RSRC1: variants seen among roughly 807,000 people sequenced by gnomAD.
RSRC1 encodes the protein arginine and serine rich coiled-coil 1, also known as serine/Arginine-related protein 53.
Under a neutral mutation model 49.1 loss-of-function variants are expected in RSRC1, and 39 were observed. That is an observed-to-expected ratio of 0.79 (90% CI 0.61 to 1.04). The LOEUF (loss-of-function observed/expected upper bound fraction) is 1.04. Ranked by LOEUF, RSRC1 falls within the 50% of genes least tolerant of loss-of-function variation. The pLI is 0.00. For missense variants in RSRC1, 388 were observed against 402.4 expected (o/e 0.96, Z 0.31); for synonymous variants, 143 against 130.8 (o/e 1.09, Z -0.63).
chr3:158,433,303 A>G (rs895404721), intron 6 of RSRC1, among the ~76,000 whole-genome samples: 2 of 152,134 alleles, frequency 1.3e-5, no homozygotes, highest in Non-Finnish European at 2.9e-5. Flanking sequence ...AAATTGTGCA[A>G]TTATTGAAAA....
intron 3 of RSRC1, among the ~76,000 whole-genome samples, chr3:158,138,648 T>A (rs1716552488): frequency 6.6e-6 from 1 of 152,254 alleles, no homozygotes; most frequent in African/African-American, 2.4e-5. Context: ...TTCCTTTTTA[T>A]TTTTTCTCTA....
chr3:158,451,129 C>T (rs1253562797), intron 6 of RSRC1, among the ~76,000 whole-genome samples: 1 of 151,788 alleles, frequency 6.6e-6, no homozygotes, highest in Non-Finnish European at 1.5e-5. Context: ...TATTATTTGT[C>T]ACATGTTTCT....
chr3:158,364,145 G>T (rs188666483), intron 6 of RSRC1, among the ~76,000 whole-genome samples: 5 of 152,138 alleles, frequency 3.3e-5, no homozygotes, highest in Non-Finnish European at 7.4e-5. Flanking sequence ...TCTAAAGTCC[G>T]TTGTAGTGTT....
intron 6 of RSRC1, among the ~76,000 whole-genome samples, chr3:158,385,793 G>A (rs1394271377): frequency 1.3e-5 from 2 of 151,988 alleles, no homozygotes; most frequent in East Asian, 1.9e-4. Flanking sequence ...ATTCATTCAC[G>A]AACACCTGAT....
intron 5 of RSRC1, among the ~76,000 whole-genome samples, chr3:158,334,207 C>G (rs1257749653): frequency 6.6e-6 from 1 of 152,042 alleles, no homozygotes; most frequent in Non-Finnish European, 1.5e-5. Context: ...CACCACATAC[C>G]TTTTCATTTT....
intron 3 of RSRC1, among the ~76,000 whole-genome samples, chr3:158,158,355 C>T (rs371530781): frequency 2.0e-5 from 3 of 152,036 alleles, no homozygotes; most frequent in Non-Finnish European, 2.9e-5. Flanking sequence ...TGAGTATGTG[C>T]GGATTTGGTC....
chr3:158,187,601 T>C (rs1410514664), intron 3 of RSRC1, among the ~76,000 whole-genome samples: 1 of 152,054 alleles, frequency 6.6e-6, no homozygotes, highest in Non-Finnish European at 1.5e-5. Context: ...CTGCAGCAAG[T>C]AGAGGCTTGA....
intron 6 of RSRC1, among the ~76,000 whole-genome samples, chr3:158,362,051 A>G (rs968640798): frequency 6.6e-6 from 1 of 152,160 alleles, no homozygotes; most frequent in Non-Finnish European, 1.5e-5. Context: ...CAGGAACTGT[A>G]TATTTATCCA....
intron 7 of RSRC1, chr3:158,469,469 T>A: frequency 2.7e-6 from 1 of 373,202 alleles, no homozygotes; most frequent in Non-Finnish European, 5.2e-6. Context: ...TGCAAAGTCT[T>A]ATACTATACT....
At chr3:158,527,724 G>T (rs1712130337) in intron 7 of RSRC1, among the ~76,000 whole-genome samples, 1 of 151,836 alleles carries the variant, frequency 6.6e-6, no homozygotes, top group African/African-American at 2.4e-5. Flanking sequence ...GTAAACCTGG[G>T]TAAAGAACTA....
chr3:158,212,897 T>C (rs1011723833), intron 4 of RSRC1, among the ~76,000 whole-genome samples: 2 of 151,982 alleles, frequency 1.3e-5, no homozygotes, highest in African/African-American at 4.8e-5. Context: ...CTAAACCAAA[T>C]AGAAGCAGTC....
chr3:158,156,470 C>T (rs574201159), intron 3 of RSRC1, among the ~76,000 whole-genome samples: 11 of 152,128 alleles, frequency 7.2e-5, no homozygotes, highest in Admixed American at 1.3e-4. Context: ...GAGAACTTTT[C>T]CTTCGCATTA....
intron 4 of RSRC1, among the ~76,000 whole-genome samples, chr3:158,242,230 T>A (rs1167773630): frequency 6.6e-6 from 1 of 151,944 alleles, no homozygotes. Flanking sequence ...AGGCCCCAGT[T>A]TGTGTTGTTT....
At chr3:158,307,037 G>A (rs1559985617) in intron 5 of RSRC1, among the ~76,000 whole-genome samples, 1 of 151,494 alleles carries the variant, frequency 6.6e-6, no homozygotes, top group African/African-American at 2.4e-5. Context: ...ATCTTTTGTG[G>A]CCAAGTGGAG....
At chr3:158,119,854 A>G (rs9883891) in intron 1 of RSRC1, among the ~76,000 whole-genome samples, 97,464 of 138,242 alleles carry the variant, frequency 0.71, 35,056 homozygotes, top group African/African-American at 0.83. Flanking sequence ...TTTTTGAGAT[A>G]GAGTCTCGCT....
At position 158,276,848 on chromosome 3, in the gene RSRC1, A is replaced by G. The variant is rs925213944; in HGVS notation, c.495-21191A>G. On this transcript the variant is annotated intron_variant, in intron 4 of 9. Transcript: ENST00000611884. Reference sequence around the variant, plus strand: ...TATTTATCTTAGTGATTGTCATGCAAATATCAAAATGAGAAGAATACAACA... The same window carrying G: ...TATTTATCTTAGTGATTGTCATGCAGATATCAAAATGAGAAGAATACAACA... Among the ~76,000 whole-genome samples the G allele has an allele frequency of 4.6e-5, 7 of 152,144 alleles. No homozygotes were observed. The South Asian group carries it at 6.2e-4, about 14-fold the overall frequency.
At chr3:158,124,855 G>A (rs1238972576) in intron 3 of RSRC1, among the ~76,000 whole-genome samples, 1 of 127,976 alleles carries the variant, frequency 7.8e-6, no homozygotes, top group Non-Finnish European at 1.6e-5. Context: ...GTGTTGCTCT[G>A]TCACCTAGGC....
intron 6 of RSRC1, among the ~76,000 whole-genome samples, chr3:158,414,831 GAAA>G (rs1001577803): frequency 6.6e-6 from 1 of 151,796 alleles, no homozygotes; most frequent in Middle Eastern, 3.2e-3. Flanking sequence ...CAATTTTCAA[GAAA>G]AAAAATCTTT....
At chr3:158,112,083 T>G (rs1377308149) in intron 1 of RSRC1, among the ~76,000 whole-genome samples, 1 of 152,176 alleles carries the variant, frequency 6.6e-6, no homozygotes, top group Non-Finnish European at 1.5e-5. Flanking sequence ...CAGGAAGAAC[T>G]AGAGTGAGAA....
Sources: allele counts gnomAD v4.1 joint callset (sites outside exome capture counted in the v4.1 genomes callset), GRCh38; gene constraint gnomAD v4.1.1; transcripts MANE v1.5; gene names NCBI Gene and HGNC (gene_info 2026-07-23, HGNC 2026-07-21).